PCDHAC1: variants seen among roughly 807,000 people sequenced by gnomAD.
PCDHAC1 encodes protocadherin alpha-C1.
Under a neutral mutation model 60.0 loss-of-function variants are expected in PCDHAC1, and 42 were observed. That is an observed-to-expected ratio of 0.70 (90% CI 0.55 to 0.90). The LOEUF is 0.90. PCDHAC1 is among the 40% of genes least tolerant of loss of function. The pLI, the probability that PCDHAC1 is intolerant of heterozygous loss-of-function variation, is 0.00. For synonymous variants in PCDHAC1, 468 were observed against 499.3 expected (o/e 0.94, Z 0.84); for missense variants, 1,160 against 1,222.3 (o/e 0.95, Z 0.76).
chr5:140,967,485 C>A lies in PCDHAC1; in HGVS notation c.2434-11464C>A, dbSNP rs781948599. 3.7e-6 allele frequency: 6 copies of A among 1,613,056 alleles called. No homozygotes were observed. In the South Asian group the frequency reaches 6.6e-5, roughly 18 times the overall value. On this transcript the variant is annotated intron_variant, in intron 1 of 3. Coordinates refer to ENST00000253807, the MANE Select transcript of PCDHAC1 (RefSeq NM_018898.5). ...GGGGGCATCCCAGCCCGCTCGGGTA[C>A]GGCACAGATCTCTGTGCGTGTCCTG...
At chr5:140,968,639 G>T (rs1278507600) in intron 1 of PCDHAC1, 1 of 1,614,150 alleles carries the variant, frequency 6.2e-7, no homozygotes, top group Non-Finnish European at 8.5e-7. Context: ...TTACCATCTA[G>T]CCCAGACTTC....
chr5:140,930,859 G>GAT lies in PCDHAC1; in HGVS notation c.2433+1535_2433+1536dup, dbSNP rs1554208143. On this transcript the variant is annotated intron_variant, in intron 1 of 3. Transcript: ENST00000253807. ...AATAAATATGTGCATATATGAATTG[G>GAT]ATGGTAACACTGTTCAACACAGAGG... Among the ~76,000 whole-genome samples, 803 of 152,288 alleles carry GAT rather than the reference G, an allele frequency of 5.3e-3. 3 individuals are homozygous for GAT. Among genetic ancestry groups the GAT allele is most frequent in the Non-Finnish European group, 8.4e-3 (568 of 68,020 alleles).
At chr5:140,963,210 C>T (rs1200019403) in intron 1 of PCDHAC1, among the ~76,000 whole-genome samples, 1 of 151,742 alleles carries the variant, frequency 6.6e-6, no homozygotes, top group East Asian at 1.9e-4. Flanking sequence ...AAAAAAACCT[C>T]GTGTTTAGAG....
intron 1 of PCDHAC1, among the ~76,000 whole-genome samples, chr5:140,972,279 A>G (rs568636203): frequency 3.3e-5 from 5 of 150,992 alleles, no homozygotes; most frequent in South Asian, 4.2e-4. Context: ...AGCTTGGACC[A>G]TAGATGTGCG....
chr5:141,000,359 CTG>C (rs1554257257), intron 3 of PCDHAC1, among the ~76,000 whole-genome samples: 2 of 78,146 alleles, frequency 2.6e-5, no homozygotes, highest in South Asian at 4.6e-4. Context: ...CTGTCTCTCT[CTG>C]TCTCTCTCTC....
intron 1 of PCDHAC1, among the ~76,000 whole-genome samples, chr5:140,943,312 A>G (rs1229555554): frequency 1.3e-5 from 2 of 150,890 alleles, no homozygotes; most frequent in African/African-American, 2.4e-5. Context: ...AGTCATTATT[A>G]GCAATATTGT....
At chr5:140,945,527 C>A (rs1268496424) in intron 1 of PCDHAC1, among the ~76,000 whole-genome samples, 2 of 151,828 alleles carry the variant, frequency 1.3e-5, no homozygotes, top group African/African-American at 4.8e-5. Context: ...ATAAATAAAA[C>A]AAAACATACA....
Position 140,928,074 on chromosome 5 carries a change from C to CT in PCDHAC1, c.1183dup (p.Tyr395LeufsTer6). The CT allele has an allele frequency of 6.2e-7, 1 of 1,614,216 alleles. No individual in the cohort carries two copies. Among genetic ancestry groups the CT allele is most frequent in the Non-Finnish European group, 8.5e-7 (1 of 1,180,040 alleles). ...AGCTGACGGCTTCCTTTGACAACTA[C>CT]TACAGCCTGCTGATTGATGGGCCCC... On this transcript the variant is annotated frameshift_variant, in exon 1 of 4. Transcript: ENST00000253807. LOFTEE classifies it high-confidence loss of function.
chr5:140,944,881 T>C (rs1554216593), intron 1 of PCDHAC1, among the ~76,000 whole-genome samples: 1 of 152,180 alleles, frequency 6.6e-6, no homozygotes, highest in Non-Finnish European at 1.5e-5. Flanking sequence ...CCTACTCCAC[T>C]GTACAGTTCC....
chr5:141,002,598 C>T (rs2098087385), intron 3 of PCDHAC1, among the ~76,000 whole-genome samples: 1 of 152,212 alleles, frequency 6.6e-6, no homozygotes, highest in Admixed American at 6.5e-5. Flanking sequence ...GTCCCCTCAT[C>T]TATAAAACAG....
At chr5:140,968,189 T>C (rs181004208) in intron 1 of PCDHAC1, 2 of 1,614,034 alleles carry the variant, frequency 1.2e-6, no homozygotes, top group Middle Eastern at 1.6e-4. Flanking sequence ...GGACTCCTAT[T>C]CCATCTACAT....
chr5:141,005,535 C>T (rs1254351919), intron 3 of PCDHAC1, among the ~76,000 whole-genome samples: 2 of 151,078 alleles, frequency 1.3e-5, no homozygotes, highest in Non-Finnish European at 2.9e-5. Flanking sequence ...AACCCCGTCT[C>T]TACTAAAAAT....
chr5:140,966,947 G>C (rs782439197), intron 1 of PCDHAC1: 2 of 1,603,404 alleles, frequency 1.2e-6, no homozygotes, highest in East Asian at 2.2e-5. Flanking sequence ...CGTGGGCAAC[G>C]TGGCTCGCGC....
chr5:140,968,702 A>G, intron 1 of PCDHAC1: 3 of 1,614,178 alleles, frequency 1.9e-6, no homozygotes, highest in Non-Finnish European at 2.5e-6. Flanking sequence ...TAGGACTACC[A>G]GGAAGATGGG....
rs977416438 is a variant in PCDHAC1, at chr5:140,926,323, G to C, written c.-570G>C. ...CCTCTCCGCCGGAGAGGTGCGCCGG[G>C]GTCAGAGCGCCGGGACCCGACGCGC... On this transcript the variant is annotated 5_prime_UTR_variant, in exon 1 of 4. Transcript: ENST00000253807. 1 of 152,270 alleles carries C rather than the reference G, an allele frequency of 6.6e-6. No individual in the cohort carries two copies. The highest frequency in any genetic ancestry group is 2.1e-4 in the South Asian group (1 of 4,830). 9.4% of individuals were successfully genotyped at this position (152,270 alleles called of 1,614,324 possible). A position where few individuals can be genotyped will look rare whatever the true frequency, so the allele number is the denominator to read the frequency against.
At chr5:141,005,332 A>G (rs1479899678) in intron 3 of PCDHAC1, among the ~76,000 whole-genome samples, 2 of 152,188 alleles carry the variant, frequency 1.3e-5, no homozygotes, top group Non-Finnish European at 2.9e-5. Context: ...ATAATAGGCC[A>G]AGGGGGTGCT....
chr5:140,927,037 G>T lies in PCDHAC1; in HGVS notation c.145G>T (p.Ala49Ser), dbSNP rs782765718. The change falls in exon 1 of 4, where the codon GCT becomes TCT. Residue 49 changes from alanine (A) to serine (S), a missense_variant. Ala to Ser is a moderately conservative substitution (Grantham distance 99). This residue lies in a region of PCDHAC1 where 1,113 missense variants were observed against 1,163.7 expected (regional missense o/e 0.96). Coordinates refer to ENST00000253807, the MANE Select transcript of PCDHAC1 (RefSeq NM_018898.5). ...LSADLRLPAA[A>S]MSSRNFRFLS... is the part of the protein sequence containing the mutation. ...CGCGGACTTGAGGCTGCCAGCGGCC[G>T]CTATGTCCTCGCGGAACTTTCGCTT... The T allele has an allele frequency of 3.7e-6, 6 of 1,612,000 alleles. No homozygotes were observed. The Admixed American group carries it at 6.7e-5, about 18-fold the overall frequency.
chr5:140,955,215 C>A (rs1313314138), intron 1 of PCDHAC1, among the ~76,000 whole-genome samples: 1 of 152,148 alleles, frequency 6.6e-6, no homozygotes, highest in Non-Finnish European at 1.5e-5. Flanking sequence ...TAGCATGATG[C>A]CTCCAGCTTT....
Position 140,978,781 on chromosome 5 carries a change from A to C in PCDHAC1, c.2434-168A>C, listed in dbSNP as rs4461687. ...GACCCTGATGAACTAATTTTCTTCT[A>C]AAGTGCTATATATGTAGATATCATC... On this transcript the variant is annotated intron_variant, in intron 1 of 3. Coordinates refer to ENST00000253807, the MANE Select transcript of PCDHAC1 (RefSeq NM_018898.5). 2,731 of 969,880 alleles carry C rather than the reference A, an allele frequency of 2.8e-3. 24 individuals carry two copies. The East Asian group carries it at 0.042, about 15-fold the overall frequency. The allele number at this position is 969,880 out of a possible 1,614,324, so 60.1% of individuals were successfully genotyped here.
Sources: gnomAD v4.1 joint callset for allele counts (sites outside exome capture counted in the v4.1 genomes callset) on GRCh38, gnomAD v4.1.1 for gene constraint, gnomAD v4.1.1 regional missense constraint, MANE v1.5 for transcripts, NCBI Gene and HGNC (gene_info 2026-07-23, HGNC 2026-07-21) for gene names.